CSF2RA: variants seen among roughly 807,000 people sequenced by gnomAD.
The protein encoded by CSF2RA is granulocyte-macrophage colony-stimulating factor receptor subunit alpha.
Under a neutral mutation model 51.6 loss-of-function variants are expected in CSF2RA, and 42 were observed. That is an observed-to-expected ratio of 0.81 (90% confidence interval 0.64 to 1.05). CSF2RA has a LOEUF of 1.05. Among genes scored for constraint, CSF2RA ranks in the 50% least tolerant of loss-of-function variants. The pLI is 0.00. For synonymous variants in CSF2RA, 222 were observed against 193.0 expected, an observed-to-expected ratio of 1.15 and a Z score of -1.24; for missense variants, 530 against 501.1, an observed-to-expected ratio of 1.06 and a Z score of -0.55.
chrX:1,298,585 CT>C lies in CSF2RA; in HGVS notation c.811-1905del, dbSNP rs1320011333. Among the ~76,000 whole-genome samples the C allele has an allele frequency of 1.0e-3, 76 of 74,826 alleles. 2 individuals carry two copies. Among genetic ancestry groups the C allele is most frequent in the East Asian group, 2.9e-3 (7 of 2,386 alleles). 49.1% of individuals were successfully genotyped at this position (74,826 alleles called of 152,430 possible). ...AACCCTACAGTCCCCTACCCATGAC[CT>C]CTGGTGGAACCCTACAGTCCCCTAC... is the stretch of plus-strand genomic sequence containing the variant. On this transcript the variant is annotated intron_variant, in intron 9 of 12. Coordinates refer to ENST00000381529, the MANE Select transcript of CSF2RA (RefSeq NM_172245.4).
intron 2 of CSF2RA, among the ~76,000 whole-genome samples, chrX:1,277,876 C>T (rs1327054646): frequency 6.9e-6 from 1 of 145,116 alleles, no homozygotes; most frequent in Admixed American, 7.2e-5. Flanking sequence ...ACTCGGGAGG[C>T]TGAGGCAGTA....
chrX:1,285,656 C>A, intron 3 of CSF2RA, 122 bp from the exon 4 acceptor site: 1 of 1,185,050 alleles, frequency 8.4e-7, no homozygotes, highest in Non-Finnish European at 1.2e-6. Flanking sequence ...GACCTGAGAT[C>A]ACAGCACTGC....
Position 1,295,475 on chromosome X carries a change from C to G in CSF2RA, c.810+19C>G. On this transcript the variant is annotated intron_variant, in intron 9 of 12. Transcript: ENST00000381529. ...CCTACTGGTAAGTGAAACCACAGAC[C>G]CTACTGACAACCCTCAGCGTAACCC... is the stretch of plus-strand genomic sequence containing the variant. 2 of 1,613,318 alleles carry G rather than the reference C, an allele frequency of 1.2e-6. No individual in the cohort carries two copies. Among genetic ancestry groups the G allele is most frequent in the Non-Finnish European group, 1.7e-6 (2 of 1,179,486 alleles).
chrX:1,282,464 T>G, intron 2 of CSF2RA: 23 of 612,168 alleles, frequency 3.8e-5, no homozygotes, highest in East Asian at 5.6e-5. Context: ...TTGACCATCT[T>G]GAGATGCCAA....
At chrX:1,299,329 G>A (rs748676047) in intron 9 of CSF2RA, among the ~76,000 whole-genome samples, 80 of 152,270 alleles carry the variant, frequency 5.3e-4, no homozygotes, top group Non-Finnish European at 1.0e-3. Context: ...TCCTCTGTCC[G>A]ATGAGTATGC....
Position 1,284,195 on chromosome X carries a change from C to CTCTTTTTTT in CSF2RA, c.76+1417_76+1418insCTTTTTTTT, listed in dbSNP as rs1443798206. Among the ~76,000 whole-genome samples the CTCTTTTTTT allele has an allele frequency of 5.9e-4, 54 of 91,786 alleles. 8 individuals carry two copies. Among genetic ancestry groups the CTCTTTTTTT allele is most frequent in the African/African-American group, 2.0e-3 (51 of 25,412 alleles). The allele number at this position is 91,786 out of a possible 152,430, so 60.2% of individuals were successfully genotyped here. ...CAAGCGGTTTTCTTTCTCTGTCTCT[C>CTCTTTTTTT]TTTTTTTTTTTTTTTTTTTTTTTTT... On this transcript the variant is annotated intron_variant, in intron 3 of 12. Transcript: ENST00000381529.
At chrX:1,315,851 GATA>G in the CSF2RA span, among the ~76,000 whole-genome samples, 1 of 148,708 alleles carries the variant, frequency 6.7e-6, no homozygotes, top group East Asian at 2.0e-4. Context: ...TAGATGGATA[GATA>G]GATGGATGAA....
In CSF2RA at chrX:1,285,090, C is replaced by T. The variant is rs764950965; in HGVS notation, c.77-688C>T. Among the ~76,000 whole-genome samples, 11 of 151,726 alleles carry T rather than the reference C, an allele frequency of 7.2e-5. No homozygotes were observed. The South Asian group carries it at 2.3e-3, about 32-fold the overall frequency. ...AAAAAAAATTTTTTTTAAAGAGATG[C>T]GATCTTGCTATGTTGCCCAGGCGGG... On this transcript the variant is annotated intron_variant, in intron 3 of 12. Coordinates refer to ENST00000381529, the MANE Select transcript of CSF2RA (RefSeq NM_172245.4).
At chrX:1,315,338 G>GATA (rs1275538477), downstream of CSF2RA, among the ~76,000 whole-genome samples, 1 of 152,090 alleles carries the variant, frequency 6.6e-6, no homozygotes, top group African/African-American at 2.4e-5. Flanking sequence ...ATAGGTAACA[G>GATA]ATAATAGCTA....
chrX:1,273,145 T>C (rs1169410231), intron 1 of CSF2RA, among the ~76,000 whole-genome samples: 24 of 151,926 alleles, frequency 1.6e-4, no homozygotes, highest in Non-Finnish European at 3.4e-4. Flanking sequence ...CTTGCCCAAA[T>C]TCCTATCTAA....
chrX:1,315,917 T>A, the CSF2RA span, among the ~76,000 whole-genome samples: 1 of 151,478 alleles, frequency 6.6e-6, no homozygotes, highest in African/African-American at 2.4e-5. Flanking sequence ...GATGGATAGA[T>A]TGATGATAGA....
In CSF2RA at chrX:1,302,249, C is replaced by T. The variant is rs758779118; in HGVS notation, c.946+1623C>T. Reference sequence around the variant, plus strand: ...TCTCTTCAAAGCCAGGTCTCGGCTGCCCAGGAGACAGGTCTATGCTTTTCT... The same window carrying T: ...TCTCTTCAAAGCCAGGTCTCGGCTGTCCAGGAGACAGGTCTATGCTTTTCT... On this transcript the variant is annotated intron_variant, in intron 10 of 12. Transcript: ENST00000381529. Among the ~76,000 whole-genome samples the T allele has an allele frequency of 1.6e-4, 24 of 152,206 alleles. No individual in the cohort carries two copies. In the South Asian group the frequency reaches 4.8e-3, roughly 30 times the overall value.
intron 3 of CSF2RA, 25 bp from the exon 4 acceptor site, chrX:1,285,753 T>C: frequency 6.6e-7 from 1 of 1,525,458 alleles, no homozygotes; most frequent in Non-Finnish European, 9.0e-7. Context: ...GAGGAAATTC[T>C]GAACCCAGTG....
At chrX:1,290,192 GGTT>G in intron 6 of CSF2RA, 142 bp from the exon 7 acceptor site, 1 of 567,238 alleles carries the variant, frequency 1.8e-6, no homozygotes, top group Non-Finnish European at 3.0e-6. Flanking sequence ...TGTTTTTGTG[GGTT>G]TTTTTTGTTT....
rs375988839 is a variant in CSF2RA, at chrX:1,284,115, G to T, written c.76+1336G>T. Among the ~76,000 whole-genome samples the T allele has an allele frequency of 4.0e-5, 6 of 151,690 alleles. 1 individual carries two copies. The East Asian group carries it at 1.2e-3, about 29-fold the overall frequency. On this transcript the variant is annotated intron_variant, in intron 3 of 12. Coordinates refer to ENST00000381529, the MANE Select transcript of CSF2RA (RefSeq NM_172245.4). ...AAACTGCCAAGGTTCCATAATTTGG[G>T]AAGTGTGTTCAGAGCCACATCACTC... is the stretch of plus-strand genomic sequence containing the variant.
At chrX:1,314,504 C>G (rs1298321016), downstream of CSF2RA, among the ~76,000 whole-genome samples, 1 of 141,962 alleles carries the variant, frequency 7.0e-6, no homozygotes, top group South Asian at 2.3e-4. Context: ...TGTGCCTGCC[C>G]AACCGCACTG....
rs763569859 is a variant in CSF2RA, at chrX:1,300,845, A to G, written c.946+219A>G. ...TGCTGATGTTTTTTCAGGACGGATGAGTTGGCTCCCTTAATAACCAGAGAA... is the reference window on the plus strand; with the variant it reads ...TGCTGATGTTTTTTCAGGACGGATGGGTTGGCTCCCTTAATAACCAGAGAA... On this transcript the variant is annotated intron_variant, in intron 10 of 12. Coordinates refer to ENST00000381529, the MANE Select transcript of CSF2RA (RefSeq NM_172245.4). Among the ~76,000 whole-genome samples, 2 of 152,154 alleles carry G rather than the reference A, an allele frequency of 1.3e-5. 1 individual carries two copies. The highest frequency in any genetic ancestry group is 4.8e-5 in the African/African-American group (2 of 41,526).
At chrX:1,315,022 A>ACTGCGCCTGCCCAACCG (rs1569515207), downstream of CSF2RA, among the ~76,000 whole-genome samples, 2 of 103,462 alleles carry the variant, frequency 1.9e-5, 1 homozygote, top group Admixed American at 1.8e-4. Context: ...CTGCCCAACC[A>ACTGCGCCTGCCCAACCG]CACTGCACCA....
chrX:1,316,251 T>G, the CSF2RA span, among the ~76,000 whole-genome samples: 347 of 140,228 alleles, frequency 2.5e-3, 1 homozygote, highest in East Asian at 9.0e-3. Context: ...AGATGATAGA[T>G]TAGATAGATG....
Sources: gnomAD v4.1 joint callset for allele counts (sites outside exome capture counted in the v4.1 genomes callset) on GRCh38, gnomAD v4.1.1 for gene constraint, MANE v1.5 for transcripts, NCBI Gene and HGNC (gene_info 2026-07-23, HGNC 2026-07-21) for gene names.